The following SAP30BP variants were observed in gnomAD, a reference collection of about 807,000 sequenced individuals.
SAP30BP encodes the protein SAP30-binding protein.
SAP30BP carries 31 observed loss-of-function variants against 46.3 expected under a neutral mutation model. That is an observed-to-expected ratio of 0.67 (90% confidence interval 0.50 to 0.90). The LOEUF (loss-of-function observed/expected upper bound fraction) is 0.90. Ranked by LOEUF, SAP30BP falls within the 40% of genes least tolerant of loss-of-function variation. The pLI is 0.00. For missense variants in SAP30BP, 312 were observed against 391.0 expected (o/e 0.80, Z 1.70); for synonymous variants, 169 against 144.2 (o/e 1.17, Z -1.23).
intron 1 of SAP30BP, 99 bp downstream of exon 1, chr17:75,667,577 A>C: frequency 9.1e-7 from 1 of 1,094,034 alleles, no homozygotes; most frequent in South Asian, 1.3e-5. Context: ...ATTGTGCTCC[A>C]AGCACCGGAC....
chr17:75,696,133 C>G (rs2060313957), intron 4 of SAP30BP, among the ~76,000 whole-genome samples: 2 of 152,228 alleles, frequency 1.3e-5, no homozygotes, highest in South Asian at 4.1e-4. Context: ...GCGGCTGCCT[C>G]TGAGAACACA....
chr17:75,674,876 A>AT (rs771781338), intron 3 of SAP30BP, among the ~76,000 whole-genome samples: 5 of 148,264 alleles, frequency 3.4e-5, no homozygotes, highest in South Asian at 2.1e-4. Flanking sequence ...ATTTTTTTTA[A>AT]TTTTTTTGTA....
intron 4 of SAP30BP, among the ~76,000 whole-genome samples, chr17:75,698,821 G>A (rs962846552): frequency 1.3e-5 from 2 of 152,180 alleles, no homozygotes; most frequent in Non-Finnish European, 2.9e-5. Context: ...AGATCATGGC[G>A]CCTCCCTGCT....
intron 3 of SAP30BP, among the ~76,000 whole-genome samples, chr17:75,686,540 GAAA>G (rs1228250832): frequency 6.6e-6 from 1 of 150,504 alleles, no homozygotes; most frequent in East Asian, 1.9e-4. Flanking sequence ...AAAAAAGAAA[GAAA>G]AAAAGAAACC....
chr17:75,679,242 T>A (rs1050217767), intron 3 of SAP30BP, among the ~76,000 whole-genome samples: 2 of 152,074 alleles, frequency 1.3e-5, no homozygotes, highest in Non-Finnish European at 2.9e-5. Flanking sequence ...GTGATCTGCC[T>A]GCCTCGGCCT....
chr17:75,705,886 G>A, intron 9 of SAP30BP, 122 bp from the exon 10 acceptor site: 1 of 1,419,582 alleles, frequency 7.0e-7, no homozygotes, highest in Non-Finnish European at 9.7e-7. Context: ...GCAGAGCAGA[G>A]TTCATTTCCA....
At chr17:75,684,724 C>T (rs573246145) in intron 3 of SAP30BP, 1 of 152,328 alleles carries the variant, frequency 6.6e-6, no homozygotes, top group South Asian at 2.1e-4. Flanking sequence ...GAACCTACCC[C>T]AGCCTGAGGT....
chr17:75,706,325 C>A lies in SAP30BP; in HGVS notation c.746-15C>A, dbSNP rs1320723679. On this transcript the variant is annotated splice_polypyrimidine_tract_variant and intron_variant, in intron 10 of 10. Coordinates refer to ENST00000584667, the MANE Select transcript of SAP30BP (RefSeq NM_013260.8). The surrounding 1 kb of genome is among the most constrained non-coding windows in gnomAD (Gnocchi z 4.6). Reference sequence around the variant, plus strand: ...CATTGGTGGATCGTGATCCTGATTTCTGCTTTATCTCCAGATGCTCAGAAG... The same window carrying A: ...CATTGGTGGATCGTGATCCTGATTTATGCTTTATCTCCAGATGCTCAGAAG... 2 of 1,610,692 alleles carry A rather than the reference C, an allele frequency of 1.2e-6. No homozygotes were observed. The highest frequency in any genetic ancestry group is 2.2e-5 in the South Asian group (2 of 91,026).
chr17:75,690,535 C>A (rs1166386276), intron 3 of SAP30BP: 1 of 376,684 alleles, frequency 2.7e-6, no homozygotes, highest in Non-Finnish European at 5.2e-6. Context: ...ACAGGCTGGT[C>A]TCAAACTCCT....
intron 3 of SAP30BP, among the ~76,000 whole-genome samples, chr17:75,687,232 A>G (rs2060170060): frequency 6.6e-6 from 1 of 152,226 alleles, no homozygotes; most frequent in African/African-American, 2.4e-5. Context: ...AATCATGCTC[A>G]ATAAATTATC....
At chr17:75,689,241 CA>C (rs2060207773) in intron 3 of SAP30BP, among the ~76,000 whole-genome samples, 1 of 150,696 alleles carries the variant, frequency 6.6e-6, no homozygotes, top group African/African-American at 2.4e-5. Flanking sequence ...CTCCACCTCT[CA>C]AGTAGCTGGG....
intron 6 of SAP30BP, 173 bp downstream of exon 6, chr17:75,702,744 T>C (rs760834437): frequency 1.1e-5 from 5 of 440,206 alleles, no homozygotes; most frequent in Middle Eastern, 4.1e-4. Flanking sequence ...AGCCAGAGGC[T>C]TGCCATTTAA....
chr17:75,703,674 G>A, intron 7 of SAP30BP, 134 bp from the exon 8 acceptor site: 1 of 824,678 alleles, frequency 1.2e-6, no homozygotes, highest in East Asian at 2.4e-5. Context: ...CCGCCCCTTG[G>A]CTAAAGACCA....
rs1469709813 is a variant in SAP30BP at position 75,706,890 on chromosome 17, G to A, written c.*369G>A. ...TCAGGGTTGACAACAGGGTGATGGA[G>A]GCCTGGGACGCTGTTCAGAGGGGTG... On this transcript the variant is annotated 3_prime_UTR_variant, in exon 11 of 11. Transcript: ENST00000584667. This position sits in a 1 kb window ranked among gnomAD's most constrained non-coding sequence, Gnocchi z 4.6. The A allele has an allele frequency of 4.0e-6, 1 of 247,102 alleles. No individual in the cohort carries two copies. The highest frequency in any genetic ancestry group is 7.9e-6 in the Non-Finnish European group (1 of 126,398). 15.3% of individuals were successfully genotyped at this position (247,102 alleles called of 1,614,324 possible). A position where few individuals can be genotyped will look rare whatever the true frequency, so the allele number is the denominator to read the frequency against.
Position 75,669,578 on chromosome 17 carries a change from A to G in SAP30BP, c.216+953A>G, listed in dbSNP as rs574739544. On this transcript the variant is annotated intron_variant, in intron 2 of 10. Coordinates refer to ENST00000584667, the MANE Select transcript of SAP30BP (RefSeq NM_013260.8). ...ATTTAAAAAAAAATTTTTTGTAGAG[A>G]CGTTGTTTCACTATGTTTCCCAGTC... Among the ~76,000 whole-genome samples the G allele has an allele frequency of 2.0e-5, 3 of 151,986 alleles. No homozygotes were observed. The East Asian group carries it at 5.8e-4, about 29-fold the overall frequency.
At chr17:75,688,924 C>G (rs940560975) in intron 3 of SAP30BP, among the ~76,000 whole-genome samples, 27 of 152,200 alleles carry the variant, frequency 1.8e-4, no homozygotes. Flanking sequence ...AGGTTGAGAT[C>G]ACTATTCTTC....
chr17:75,679,944 C>G (rs957339421), intron 3 of SAP30BP: 5 of 152,178 alleles, frequency 3.3e-5, no homozygotes, highest in Non-Finnish European at 7.3e-5. Context: ...CCATTTTTAC[C>G]TCGTTTGCTC....
Position 75,700,020 on chromosome 17 carries a change from C to T in SAP30BP, c.396+149C>T. On this transcript the variant is annotated intron_variant, in intron 5 of 10. Transcript: ENST00000584667. ...GACAGGTGGGAAGGATCCCACAGTC[C>T]ACTTTACCTCCTGTTAGCCTCATCT... 4 of 575,268 alleles carry T rather than the reference C, an allele frequency of 7.0e-6. No homozygotes were observed. The East Asian group carries it at 8.8e-5, about 13-fold the overall frequency. The allele number at this position is 575,268 out of a possible 1,614,324, so 35.6% of individuals were successfully genotyped here.
intron 3 of SAP30BP, among the ~76,000 whole-genome samples, chr17:75,681,494 C>G (rs906340946): frequency 1.3e-5 from 2 of 152,220 alleles, no homozygotes; most frequent in African/African-American, 4.8e-5. Context: ...ACTCTCCTCT[C>G]AACTCCTTCC....
Sources: gnomAD v4.1 joint callset for allele counts (sites outside exome capture counted in the v4.1 genomes callset) on GRCh38, gnomAD v4.1.1 for gene constraint, Gnocchi (gnomAD v3.1) non-coding constraint, MANE v1.5 for transcripts, NCBI Gene and HGNC (gene_info 2026-07-23, HGNC 2026-07-21) for gene names.